STAB1: variants seen among roughly 807,000 people sequenced by gnomAD.
STAB1 encodes stabilin-1.
Under a neutral mutation model 332.4 loss-of-function variants are expected in STAB1, and 250 were observed. The observed-to-expected ratio is 0.75, with a 90% CI of 0.68 to 0.84. The LOEUF (loss-of-function observed/expected upper bound fraction) is 0.84. STAB1 is among the 40% of genes least tolerant of loss of function. The probability of loss-of-function intolerance (pLI) is 0.00; values close to 1 mark genes in which losing one functional copy is unlikely to be tolerated. For missense variants in STAB1, 3,249 were observed against 3,489.7 expected (o/e 0.93, Z 1.74); for synonymous variants, 1,475 against 1,390.4 (o/e 1.06, Z -1.35).
chr3:52,506,961 T>C (rs1040437340), intron 18 of STAB1, 111 bp downstream of exon 18: 6 of 1,450,858 alleles, frequency 4.1e-6, no homozygotes, highest in Non-Finnish European at 4.6e-6. Flanking sequence ...TGACGCCGGC[T>C]CTGAGGCCCT....
Position 52,516,471 on chromosome 3 carries a change from G to T in STAB1, c.4240+20G>T, listed in dbSNP as rs1238345745. The T allele has an allele frequency of 3.1e-6, 5 of 1,613,414 alleles. No homozygotes were observed. The highest frequency in any genetic ancestry group is 4.2e-6 in the Non-Finnish European group (5 of 1,179,924). Reference sequence around the variant, plus strand: ...ACCAGAGTGAGTGGGTCCCAATGGGGAGGGGGCAGGTGGCTACTGAGGAGG... The same window carrying T: ...ACCAGAGTGAGTGGGTCCCAATGGGTAGGGGGCAGGTGGCTACTGAGGAGG... On this transcript the variant is annotated intron_variant, in intron 39 of 68. Transcript: ENST00000321725.
chr3:52,521,213 G>T, intron 55 of STAB1, 148 bp from the exon 56 acceptor site: 1 of 1,254,214 alleles, frequency 8.0e-7, no homozygotes, highest in East Asian at 2.5e-5. Context: ...GGGGGGTCTG[G>T]ATGTTCTCCA....
chr3:52,523,140 T>C lies in STAB1; in HGVS notation c.7020+6T>C. 3 of 1,603,290 alleles carry C rather than the reference T, an allele frequency of 1.9e-6. No individual in the cohort carries two copies. The highest frequency in any genetic ancestry group is 1.7e-6 in the Non-Finnish European group (2 of 1,175,216). On this transcript the variant is annotated splice_donor_region_variant and intron_variant, in intron 63 of 68. Coordinates refer to ENST00000321725, the MANE Select transcript of STAB1 (RefSeq NM_015136.3). ...ACTTCTCCACCTTCTATGGGGTGTGTGGGGGCCACCCTTGGGGGCGGGGGG... is the reference window on the plus strand; with the variant it reads ...ACTTCTCCACCTTCTATGGGGTGTGCGGGGGCCACCCTTGGGGGCGGGGGG...
chr3:52,511,739 C>A lies in STAB1; in HGVS notation c.2877C>A (p.His959Gln). ...GCCGGGCAGGCAATGGCGGCTGCCA[C>A]GGCCTGGTAAGGGGGTGCAAGGCTC... Reference protein sequence around the residue: ...DPCRAGNGGCHGLATCRAVGG... With the variant: ...DPCRAGNGGCQGLATCRAVGG... Residue 959 changes from histidine to glutamine, a missense_variant, in exon 26 of 69, where the codon CAC becomes CAA. Coordinates refer to ENST00000321725, the MANE Select transcript of STAB1 (RefSeq NM_015136.3). 1.9e-6 allele frequency: 3 copies of A among 1,586,852 alleles called. No individual in the cohort carries two copies. Among genetic ancestry groups the A allele is most frequent in the Non-Finnish European group, 2.6e-6 (3 of 1,164,296 alleles).
At chr3:52,513,611 C>T in intron 30 of STAB1, 106 bp from the exon 31 acceptor site, 2 of 1,183,812 alleles carry the variant, frequency 1.7e-6, no homozygotes, top group African/African-American at 1.5e-5. Context: ...AGCCTGCGGA[C>T]CACCTGTGGG....
Position 52,517,347 on chromosome 3 carries a change from G to A in STAB1, c.4517G>A (p.Gly1506Glu). The A allele has an allele frequency of 6.2e-7, 1 of 1,602,090 alleles. No individual in the cohort carries two copies. Residue 1506 changes from glycine to glutamate, a missense_variant, in exon 43 of 69, where the codon GGG (glycine) becomes GAG (glutamate). By Grantham distance (98) the Gly-to-Glu change is moderately conservative (BLOSUM62 -2). Transcript: ENST00000321725. ...QEINSCLIHHGGCHIHAECIP... is the reference protein window; with the variant it reads ...QEINSCLIHHEGCHIHAECIP... ...ATTAACAGCTGTCTCATCCACCACG[G>A]GGGCTGCCACATTCACGCCGAGTGC...
At chr3:52,519,046 G>A (rs1253772471) in intron 48 of STAB1, among the ~76,000 whole-genome samples, 177 bp downstream of exon 48, 1 of 151,938 alleles carries the variant, frequency 6.6e-6, no homozygotes, top group Non-Finnish European at 1.5e-5. Flanking sequence ...CCACTGCTGT[G>A]GGCCTGTCCT....
rs1342156761 is a variant in STAB1, at chr3:52,518,994, G to C, written c.5034+125G>C. On this transcript the variant is annotated intron_variant, in intron 48 of 68. Coordinates refer to ENST00000321725, the MANE Select transcript of STAB1 (RefSeq NM_015136.3). The stretch of plus-strand genomic sequence containing the variant: ...CTCCCCTAGCCAGGGGGCGCCTCCT[G>C]CTGAGTCCAGCCCGGGACTCCGCCC... 3.3e-6 allele frequency: 4 copies of C among 1,218,398 alleles called. No individual in the cohort carries two copies. The East Asian group carries it at 1.0e-4, about 31-fold the overall frequency. 75.5% of individuals were successfully genotyped at this position (1,218,398 alleles called of 1,614,324 possible). A position where few individuals can be genotyped will look rare whatever the true frequency, so the allele number is the denominator to read the frequency against.
intron 12 of STAB1, 23 bp downstream of exon 12, chr3:52,504,899 G>A (rs766481566): frequency 6.2e-7 from 1 of 1,613,540 alleles, no homozygotes; most frequent in Non-Finnish European, 8.5e-7. Context: ...CCTCAGCCTG[G>A]GGACAAGAGG....
intron 21 of STAB1, 70 bp from the exon 22 acceptor site, chr3:52,509,140 G>C (rs1232493921): frequency 2.2e-6 from 3 of 1,392,312 alleles, no homozygotes; most frequent in Middle Eastern, 1.8e-4. Context: ...ATGAAAGGAG[G>C]GGGTGTTGGG....
intron 30 of STAB1, 65 bp downstream of exon 30, chr3:52,513,306 G>A: frequency 6.9e-7 from 1 of 1,447,870 alleles, no homozygotes; most frequent in Non-Finnish European, 9.3e-7. Context: ...CTGAGTGGCT[G>A]CAGGCTCTCC....
rs2078962450 is a variant in STAB1 at position 52,518,775 on chromosome 3, T to G, written c.4940T>G (p.Val1647Gly). 1 of 1,612,376 alleles carries G rather than the reference T, an allele frequency of 6.2e-7. No individual in the cohort carries two copies. The highest frequency in any genetic ancestry group is 1.1e-5 in the South Asian group (1 of 91,082). Reference protein sequence around the residue: ...AHRQLVFRYHVVGCRRLRSED... With the variant: ...AHRQLVFRYHGVGCRRLRSED... ...CGCCAGCTGGTGTTTCGCTACCACG[T>G]GGTTGGCTGTCGGCGGCTGCGGAGC... The change falls in exon 48 of 69, where the codon GTG becomes GGG. Residue 1647 changes from valine to glycine, a missense_variant. Transcript: ENST00000321725.
chr3:52,514,925 G>T, intron 35 of STAB1, 64 bp from the exon 36 acceptor site: 2 of 1,612,512 alleles, frequency 1.2e-6, no homozygotes, highest in Non-Finnish European at 1.7e-6. Flanking sequence ...TGGTCAGTCT[G>T]TCCTGGAGGA....
At chr3:52,497,254 T>G (rs1238025979) in intron 1 of STAB1, among the ~76,000 whole-genome samples, 1 of 152,082 alleles carries the variant, frequency 6.6e-6, no homozygotes, top group Non-Finnish European at 1.5e-5. Context: ...CCTCCCAAAG[T>G]GCTGGGATTA....
chr3:52,521,851 G>T lies in STAB1; in HGVS notation c.6171G>T (p.Gln2057His). 6.3e-7 allele frequency: 1 copy of T among 1,597,894 alleles called. No homozygotes were observed. Among genetic ancestry groups the T allele is most frequent in the Non-Finnish European group, 8.5e-7 (1 of 1,170,736 alleles). Residue 2057 changes from glutamine to histidine, a missense_variant, in exon 58 of 69, where the codon CAG becomes CAT. Coordinates refer to ENST00000321725, the MANE Select transcript of STAB1 (RefSeq NM_015136.3). ...GPRCEVQLEL[Q>H]PVCTPPCAPE... ...CTGGGCCCTGGGGGACAGAGCTGCAGCCTGTGTGTACCCCACCCTGTGCAC... is the reference window on the plus strand; with the variant it reads ...CTGGGCCCTGGGGGACAGAGCTGCATCCTGTGTGTACCCCACCCTGTGCAC...
chr3:52,510,080 G>A, intron 23 of STAB1, 24 bp downstream of exon 23: 1 of 1,613,004 alleles, frequency 6.2e-7, no homozygotes, highest in Non-Finnish European at 8.5e-7. Flanking sequence ...CCTTCTGTCT[G>A]CCCCACCCGT....
chr3:52,523,163 G>A, intron 63 of STAB1, 29 bp downstream of exon 63: 7 of 1,610,744 alleles, frequency 4.3e-6, no homozygotes, highest in Middle Eastern at 1.7e-4. Flanking sequence ...TGGGGGCGGG[G>A]GGTGCTGGGA....
rs770749097 is a variant in STAB1 at position 52,515,415 on chromosome 3, G to T, written c.3865-8G>T. The T allele has an allele frequency of 4.3e-6, 7 of 1,612,558 alleles. No individual in the cohort carries two copies. The highest frequency in any genetic ancestry group is 5.1e-6 in the Non-Finnish European group (6 of 1,179,986). ...TGGCTGACCCCTCCTGCCTGTCCCCGTTTCCAGGACACACCCAGGAAGAGC... is the reference window on the plus strand; with the variant it reads ...TGGCTGACCCCTCCTGCCTGTCCCCTTTTCCAGGACACACCCAGGAAGAGC... On this transcript the variant is annotated splice_region_variant and splice_polypyrimidine_tract_variant and intron_variant, in intron 36 of 68. Coordinates refer to ENST00000321725, the MANE Select transcript of STAB1 (RefSeq NM_015136.3).
intron 42 of STAB1, 90 bp downstream of exon 42, chr3:52,517,199 A>G: frequency 7.7e-7 from 1 of 1,298,668 alleles, no homozygotes; most frequent in Non-Finnish European, 1.1e-6. Context: ...GAAGGGGCAC[A>G]TGGGACTTGT....
Sources: gnomAD v4.1 joint callset for allele counts (sites outside exome capture counted in the v4.1 genomes callset) on GRCh38, gnomAD v4.1.1 for gene constraint, MANE v1.5 for transcripts, NCBI Gene and HGNC (gene_info 2026-07-23, HGNC 2026-07-21) for gene names.